Variants in SH3TC2 observed in about 807,000 individuals in gnomAD.
The protein encoded by SH3TC2 is SH3 domain and tetratricopeptide repeats 2.
In SH3TC2, 87 loss-of-function variants were observed where a neutral mutation model predicts 124.5. That is an observed-to-expected ratio of 0.70 (90% CI 0.59 to 0.84). The LOEUF (loss-of-function observed/expected upper bound fraction) is 0.84, where lower values mean the gene tolerates loss of function less well. SH3TC2 is among the 40% of genes least tolerant of loss of function. SH3TC2 has a pLI of 0.00. For missense variants in SH3TC2, 1,536 were observed against 1,566.4 expected (o/e 0.98, Z 0.33); for synonymous variants, 634 against 628.5 (o/e 1.01, Z -0.13).
intron 1 of SH3TC2, among the ~76,000 whole-genome samples, chr5:149,059,276 T>C (rs1291995384): frequency 6.6e-6 from 1 of 152,038 alleles, no homozygotes; most frequent in Non-Finnish European, 1.5e-5. Context: ...TAGGAATGGG[T>C]AGGGACCTTG....
chr5:149,056,492 G>GTA (rs1754650289), intron 1 of SH3TC2, among the ~76,000 whole-genome samples: 1 of 152,040 alleles, frequency 6.6e-6, no homozygotes, highest in Non-Finnish European at 1.5e-5. Context: ...TGTGTTAATG[G>GTA]TACATTTTTA....
intron 9 of SH3TC2, among the ~76,000 whole-genome samples, chr5:149,030,043 A>G (rs2127398181): frequency 6.6e-6 from 1 of 152,236 alleles, no homozygotes; most frequent in African/African-American, 2.4e-5. Context: ...TAACCCCCAG[A>G]GGGTAGAAAG....
intron 8 of SH3TC2, among the ~76,000 whole-genome samples, chr5:149,034,767 A>G (rs1754255403): frequency 6.6e-6 from 1 of 152,192 alleles, no homozygotes; most frequent in Non-Finnish European, 1.5e-5. Flanking sequence ...TATCATTATA[A>G]AAACAAAAAT....
Position 149,028,343 on chromosome 5 carries a change from C to T in SH3TC2, c.1389G>A (p.Glu463=), listed in dbSNP as rs1754117020. 5 of 1,613,956 alleles carry T rather than the reference C, an allele frequency of 3.1e-6. No homozygotes were observed. The highest frequency in any genetic ancestry group is 3.4e-6 in the Non-Finnish European group (4 of 1,179,892). Residue 463 remains glutamate (E), a synonymous_variant, in exon 11 of 17, where the codon GAG becomes GAA. Coordinates refer to ENST00000515425, the MANE Select transcript of SH3TC2 (RefSeq NM_024577.4). The part of the protein sequence containing the change: ...LMDLSTGQEE[E]AENFAPILAF... ...CCAATATGGGGGCGAAGTTCTCAGC[C>T]TCCTCCTCCTGACCAGTGCTTAGGT...
chr5:149,034,505 A>G (rs780860058), intron 8 of SH3TC2: 38 of 424,238 alleles, frequency 9.0e-5, no homozygotes, highest in Middle Eastern at 3.6e-4. Context: ...TTCATATTGA[A>G]GAAACACACC....
chr5:149,007,191 G>A, intron 15 of SH3TC2, 114 bp from the exon 16 acceptor site: 3 of 949,024 alleles, frequency 3.2e-6, no homozygotes, highest in East Asian at 2.4e-5. Context: ...GGACTGTGCT[G>A]GGGCATAGGA....
At position 149,004,497 on chromosome 5, in the gene SH3TC2, C is replaced by T; in HGVS notation, c.*214G>A. The T allele has an allele frequency of 1.7e-6, 1 of 589,400 alleles. No homozygotes were observed. Among genetic ancestry groups the T allele is most frequent in the Non-Finnish European group, 3.0e-6 (1 of 336,450 alleles). 36.5% of individuals were successfully genotyped at this position (589,400 alleles called of 1,614,324 possible). A position where few individuals can be genotyped will look rare whatever the true frequency, so the allele number is the denominator to read the frequency against. Reference sequence around the variant, plus strand: ...AGTCAACCGGTAAAGGCTCCAGATGCAAAGCCTGGAACCAGGAATTCTCAT... The same window carrying T: ...AGTCAACCGGTAAAGGCTCCAGATGTAAAGCCTGGAACCAGGAATTCTCAT... On this transcript the variant is annotated 3_prime_UTR_variant, in exon 17 of 17. Coordinates refer to ENST00000515425, the MANE Select transcript of SH3TC2 (RefSeq NM_024577.4).
intron 5 of SH3TC2, among the ~76,000 whole-genome samples, 179 bp downstream of exon 5, chr5:149,042,515 C>T (rs112267101): frequency 6.6e-6 from 1 of 152,224 alleles, no homozygotes; most frequent in African/African-American, 2.4e-5. Context: ...CACAGCTGTT[C>T]GTGTAATGTC....
At chr5:149,019,388 C>A (rs1753931913) in intron 12 of SH3TC2, among the ~76,000 whole-genome samples, 1 of 152,130 alleles carries the variant, frequency 6.6e-6, no homozygotes, top group Non-Finnish European at 1.5e-5. Flanking sequence ...GGTCATTCTG[C>A]AAAGGGACAA....
chr5:149,027,788 C>A lies in SH3TC2; in HGVS notation c.1944G>T (p.Arg648=), dbSNP rs768607391. ...LAIRLLLSLG[R]HEEVLPFAER... is the part of the protein sequence containing the mutation. ...CGGCAAAGGGCAGGACCTCCTCGTG[C>A]CGGCCTAGGCTCAGGAGCAAGCGGA... Residue 648 remains arginine, a synonymous_variant, in exon 11 of 17, where the codon CGG becomes CGT. Transcript: ENST00000515425. 5.6e-6 allele frequency: 9 copies of A among 1,613,794 alleles called. No individual in the cohort carries two copies. In the African/African-American group the frequency reaches 1.2e-4, roughly 22 times the overall value.
intron 2 of SH3TC2, among the ~76,000 whole-genome samples, chr5:149,050,377 G>C (rs1276897956): frequency 6.6e-6 from 1 of 152,154 alleles, no homozygotes; most frequent in Non-Finnish European, 1.5e-5. Flanking sequence ...ATTAAGGAGA[G>C]GTTGGCAGCT....
intron 12 of SH3TC2, chr5:149,025,665 T>C (rs934008910): frequency 6.6e-6 from 1 of 152,172 alleles, no homozygotes; most frequent in African/African-American, 2.4e-5. Flanking sequence ...CAAATGAGGA[T>C]GAAGCAGCAT....
chr5:149,063,019 C>T lies in SH3TC2; in HGVS notation c.4G>A (p.Gly2Ser), dbSNP rs1554124107. 6.2e-7 allele frequency: 1 copy of T among 1,600,600 alleles called. No homozygotes were observed. Among genetic ancestry groups the T allele is most frequent in the South Asian group, 1.1e-5 (1 of 88,272 alleles). M[G>S]GCFCIPRERS... ...TCCCTGGGGATGCAGAAGCAGCCAC[C>T]CATGTGTGTACCATCCTACCCTGGC... The change falls in exon 1 of 17, where the codon GGT (glycine) becomes AGT (serine). Residue 2 changes from glycine to serine, a missense_variant. Transcript: ENST00000515425.
intron 13 of SH3TC2, among the ~76,000 whole-genome samples, chr5:149,011,099 C>T (rs1446994065): frequency 1.3e-5 from 2 of 152,220 alleles, no homozygotes; most frequent in Non-Finnish European, 2.9e-5. Context: ...ACCACTGCAC[C>T]TGCAGCACAG....
intron 7 of SH3TC2, among the ~76,000 whole-genome samples, chr5:149,039,935 T>A (rs542299481): frequency 7.2e-5 from 11 of 152,148 alleles, no homozygotes; most frequent in Non-Finnish European, 1.6e-4. Context: ...TTGTACTTTG[T>A]GGTAGGAGTG....
intron 2 of SH3TC2, 120 bp from the exon 3 acceptor site, chr5:149,048,109 A>C (rs1221600033): frequency 5.0e-6 from 7 of 1,401,982 alleles, no homozygotes; most frequent in Non-Finnish European, 6.0e-6. Context: ...TGTCCTCATT[A>C]GTTACAGATT....
chr5:149,041,692 G>T, intron 5 of SH3TC2, 75 bp from the exon 6 acceptor site: 1 of 1,504,338 alleles, frequency 6.6e-7, no homozygotes, highest in Non-Finnish European at 9.2e-7. Flanking sequence ...ACAAAGTAAT[G>T]CTTCTATTCA....
intron 12 of SH3TC2, among the ~76,000 whole-genome samples, chr5:149,023,771 G>C (rs1222963934): frequency 6.6e-6 from 1 of 151,968 alleles, no homozygotes; most frequent in Non-Finnish European, 1.5e-5. Context: ...CTTTGGTAGA[G>C]ATGGGGTTTC....
intron 8 of SH3TC2, chr5:149,034,438 C>A: frequency 1.1e-5 from 4 of 376,542 alleles, no homozygotes; most frequent in Non-Finnish European, 2.1e-5. Flanking sequence ...GAGAGAGAGG[C>A]AATATTCAAA....
Sources: allele counts gnomAD v4.1 joint callset (sites outside exome capture counted in the v4.1 genomes callset), GRCh38; gene constraint gnomAD v4.1.1; transcripts MANE v1.5; gene names NCBI Gene and HGNC (gene_info 2026-07-23, HGNC 2026-07-21).